Variants in NUP214 observed in about 807,000 individuals in gnomAD.
NUP214 encodes nuclear pore complex protein Nup214.
Under a neutral mutation model 196.2 loss-of-function variants are expected in NUP214, and 79 were observed. The observed-to-expected ratio is 0.40, with a 90% CI of 0.34 to 0.49. NUP214 has a LOEUF of 0.49. Among genes scored for constraint, NUP214 ranks in the 20% least tolerant of loss-of-function variants. NUP214 has a pLI of 0.58. For synonymous variants in NUP214, 1,020 were observed against 990.5 expected (o/e 1.03, Z -0.56); for missense variants, 2,468 against 2,539.0 (o/e 0.97, Z 0.60).
In NUP214 at chr9:131,232,620, C is replaced by T; in HGVS notation, c.6239+312C>T. 2.1e-6 allele frequency: 1 copy of T among 483,690 alleles called. No homozygotes were observed. Among genetic ancestry groups the T allele is most frequent in the South Asian group, 2.1e-5 (1 of 46,670 alleles). 30.0% of individuals were successfully genotyped at this position (483,690 alleles called of 1,614,324 possible). A position where few individuals can be genotyped will look rare whatever the true frequency, so the allele number is the denominator to read the frequency against. On this transcript the variant is annotated intron_variant, in intron 35 of 35. Coordinates refer to ENST00000359428, the MANE Select transcript of NUP214 (RefSeq NM_005085.4). The surrounding 1 kb of genome is among the most constrained non-coding windows in gnomAD (Gnocchi z 5.1). ...CTGCTCCTGACTTCCCTGGAGGTTTCTCAGAAGCTGCATGCTAACCCCTGG... is the reference window on the plus strand; with the variant it reads ...CTGCTCCTGACTTCCCTGGAGGTTTTTCAGAAGCTGCATGCTAACCCCTGG...
chr9:131,164,334 G>A, intron 21 of NUP214, 190 bp downstream of exon 21: 1 of 597,600 alleles, frequency 1.7e-6, no homozygotes, highest in Non-Finnish European at 3.0e-6. Context: ...TCTGAATAGT[G>A]GAATAAGAAC....
intron 24 of NUP214, among the ~76,000 whole-genome samples, chr9:131,182,252 T>C (rs1833301889): frequency 6.6e-6 from 1 of 152,212 alleles, no homozygotes; most frequent in African/African-American, 2.4e-5. Context: ...TAAAATGGAT[T>C]TCTTATAGAT....
intron 27 of NUP214, among the ~76,000 whole-genome samples, chr9:131,193,335 T>A (rs1235765482): frequency 6.6e-6 from 1 of 152,164 alleles, no homozygotes; most frequent in Non-Finnish European, 1.5e-5. Flanking sequence ...AAAAGCCTCT[T>A]AAGTTCTTCA....
intron 30 of NUP214, among the ~76,000 whole-genome samples, chr9:131,211,840 A>G (rs565472393): frequency 5.5e-4 from 84 of 152,294 alleles, no homozygotes; most frequent in African/African-American, 2.0e-3. Context: ...ATCTGCACAA[A>G]TTGTGGAGCA....
At chr9:131,131,779 C>G (rs1296729840) in intron 5 of NUP214, among the ~76,000 whole-genome samples, 1 of 151,902 alleles carries the variant, frequency 6.6e-6, no homozygotes, top group Admixed American at 6.6e-5. Context: ...GCCTCAGCCT[C>G]CTGGGCTCAG....
chr9:131,216,084 G>A (rs916855287), intron 31 of NUP214, among the ~76,000 whole-genome samples: 1 of 151,454 alleles, frequency 6.6e-6, no homozygotes, highest in Non-Finnish European at 1.5e-5. Flanking sequence ...TATATTTTTA[G>A]TAGAGACAGG....
chr9:131,195,329 G>C lies in NUP214; in HGVS notation c.3721+35G>C, dbSNP rs767803067. On this transcript the variant is annotated intron_variant, in intron 28 of 35. Transcript: ENST00000359428. ...CTGTGTTGAGTAGCATTACTCATGT[G>C]TTTTCTCTAAATAAGTACAGGTTAT... 3.2e-6 allele frequency: 5 copies of C among 1,543,348 alleles called. No individual in the cohort carries two copies. In the South Asian group the frequency reaches 5.6e-5, roughly 17 times the overall value.
intron 17 of NUP214, among the ~76,000 whole-genome samples, chr9:131,156,647 A>G (rs976393364): frequency 1.3e-5 from 2 of 150,042 alleles, no homozygotes; most frequent in African/African-American, 4.9e-5. Flanking sequence ...GTTGGTGTAT[A>G]GCAGTGCTAC....
intron 30 of NUP214, 143 bp downstream of exon 30, chr9:131,201,860 T>G (rs1202758792): frequency 1.4e-6 from 1 of 696,632 alleles, no homozygotes; most frequent in Non-Finnish European, 2.5e-6. Flanking sequence ...TCCCTTCAGC[T>G]GCCTTGGAGG....
In NUP214 at chr9:131,134,962, C is replaced by T. The variant is rs144585542; in HGVS notation, c.896C>T (p.Thr299Met). The T allele has an allele frequency of 5.8e-5, 93 of 1,613,704 alleles. No homozygotes were observed. The highest frequency in any genetic ancestry group is 4.0e-4 in the African/African-American group (30 of 74,998). ...NFMEPCYGSC[T>M]ERQHHYYLSY... ...ATGGAGCCCTGTTATGGCAGCTGCA[C>T]GGAGAGACAGCATCATTACTACCTC... The change falls in exon 8 of 36, where the codon ACG becomes ATG. Residue 299 changes from threonine (T) to methionine (M), a missense_variant. Physicochemically the swap from Thr to Met is moderately conservative, Grantham distance 81. Around this residue, in one of 5 missense-constraint regions of NUP214, gnomAD observed 392 missense variants for 417.9 expected, o/e 0.94. Transcript: ENST00000359428.
chr9:131,157,855 A>C (rs1832506069), intron 17 of NUP214, among the ~76,000 whole-genome samples: 1 of 152,048 alleles, frequency 6.6e-6, no homozygotes, highest in Non-Finnish European at 1.5e-5. Flanking sequence ...CGTGTTGACC[A>C]GGCTGGTTTC....
At chr9:131,208,480 G>C (rs182052217) in intron 30 of NUP214, among the ~76,000 whole-genome samples, 1 of 151,892 alleles carries the variant, frequency 6.6e-6, no homozygotes, top group Non-Finnish European at 1.5e-5. Context: ...GGCGGATCAC[G>C]AGGTCAGGAG....
chr9:131,125,598 G>T lies in NUP214; in HGVS notation c.-107G>T. 2.6e-6 allele frequency: 4 copies of T among 1,548,296 alleles called. No homozygotes were observed. Among genetic ancestry groups the T allele is most frequent in the Non-Finnish European group, 3.5e-6 (4 of 1,145,118 alleles). On this transcript the variant is annotated 5_prime_UTR_variant, in exon 1 of 36. Coordinates refer to ENST00000359428, the MANE Select transcript of NUP214 (RefSeq NM_005085.4). The surrounding 1 kb of genome is among the most constrained non-coding windows in gnomAD (Gnocchi z 4.1). The stretch of plus-strand genomic sequence containing the variant: ...GCGCCGGAAATGCGAGGTCAACTGC[G>T]CGCCGCTGGCGCTGAGGGGAGGAAG...
intron 28 of NUP214, among the ~76,000 whole-genome samples, chr9:131,196,025 T>TCCCTCTCCC (rs1554737949): frequency 8.2e-4 from 3 of 3,668 alleles, no homozygotes; most frequent in Admixed American, 4.4e-3. Context: ...ACTCTGTGTG[T>TCCCTCTCCC]CCCCCCCCCC....
rs146410904 is a variant in NUP214 at position 131,179,812 on chromosome 9, C to T, written c.3419+1402C>T. ...CTCTATTACTATTTTGTAGTGACCT[C>T]GGAGCCTTGGTATGCTGTTTAGACC... On this transcript the variant is annotated intron_variant, in intron 24 of 35. Coordinates refer to ENST00000359428, the MANE Select transcript of NUP214 (RefSeq NM_005085.4). Among the ~76,000 whole-genome samples, 664 of 152,260 alleles carry T rather than the reference C, an allele frequency of 4.4e-3. 5 individuals are homozygous for T. The highest frequency in any genetic ancestry group is 0.015 in the African/African-American group (636 of 41,540).
rs146524053 is a variant in NUP214, at chr9:131,183,015, T to G, written c.3420-4274T>G. On this transcript the variant is annotated intron_variant, in intron 24 of 35. Coordinates refer to ENST00000359428, the MANE Select transcript of NUP214 (RefSeq NM_005085.4). ...CTATTTTCTCCCTTCACCACCTTTA[T>G]GCTATTGTGCATTTTACTTCCACTG... 4.2e-3 allele frequency among the ~76,000 whole-genome samples: 644 copies of G among 152,330 alleles called. 5 individuals carry two copies. The highest frequency in any genetic ancestry group is 0.015 in the African/African-American group (617 of 41,568).
In NUP214 at chr9:131,164,107, C is replaced by T; in HGVS notation, c.2856C>T (p.Ala952=). ...AGGCACAACTGAGAAACTTCTTGGC[C>T]AAGAGGAAGACCCCACCAGTGAGAT... The part of the protein sequence containing the change: ...MKQAQLRNFL[A]KRKTPPVRST... Residue 952 remains alanine, a synonymous_variant, in exon 21 of 36, where the codon GCC becomes GCT. Coordinates refer to ENST00000359428, the MANE Select transcript of NUP214 (RefSeq NM_005085.4). 1 of 1,614,046 alleles carries T rather than the reference C, an allele frequency of 6.2e-7. No individual in the cohort carries two copies. The highest frequency in any genetic ancestry group is 8.5e-7 in the Non-Finnish European group (1 of 1,180,014).
intron 21 of NUP214, 128 bp from the exon 22 acceptor site, chr9:131,173,927 T>C: frequency 8.0e-7 from 1 of 1,253,934 alleles, no homozygotes; most frequent in Non-Finnish European, 1.1e-6. Flanking sequence ...CTGCTCCCAC[T>C]TAAAATAAGT....
chr9:131,140,747 C>T, intron 11 of NUP214, 37 bp downstream of exon 11: 1 of 1,583,930 alleles, frequency 6.3e-7, no homozygotes, highest in Non-Finnish European at 8.6e-7. Context: ...TAAGGGAATA[C>T]CATGGGCTTG....
Sources: allele counts gnomAD v4.1 joint callset (sites outside exome capture counted in the v4.1 genomes callset), GRCh38; gene constraint gnomAD v4.1.1; regional missense constraint gnomAD v4.1.1; non-coding constraint Gnocchi (gnomAD v3.1); transcripts MANE v1.5; gene names NCBI Gene and HGNC (gene_info 2026-07-23, HGNC 2026-07-21).